The following GFRA3 variants were observed in gnomAD, a reference collection of about 807,000 sequenced individuals.
GFRA3 encodes GDNF family receptor alpha 3, also known as GDNF family receptor alpha-3.
Under a neutral mutation model 40.0 loss-of-function variants are expected in GFRA3, and 24 were observed. The observed-to-expected ratio is 0.60, with a 90% CI of 0.43 to 0.84. The LOEUF (loss-of-function observed/expected upper bound fraction) is 0.84. GFRA3 is among the 40% of genes least tolerant of loss of function. GFRA3 has a pLI of 0.00. For synonymous variants in GFRA3, 203 were observed against 213.5 expected (o/e 0.95, Z 0.43); for missense variants, 405 against 530.6 (o/e 0.76, Z 2.33).
rs1445461762 is a variant in GFRA3, at chr5:138,272,041, T to TG, written c.91+2292dup. 9.3e-4 allele frequency among the ~76,000 whole-genome samples: 138 copies of TG among 148,612 alleles called. 1 individual carries two copies. Among genetic ancestry groups the TG allele is most frequent in the African/African-American group, 3.3e-3 (132 of 39,956 alleles). ...TTTTTTTTGAGACGGAGTCTCGCTCTGTCACCCAGGCTGGAGTGCAGTGGC... is the reference window on the plus strand; with the variant it reads ...TTTTTTTTGAGACGGAGTCTCGCTCTGGTCACCCAGGCTGGAGTGCAGTGGC... On this transcript the variant is annotated intron_variant, in intron 1 of 7. Coordinates refer to ENST00000274721, the MANE Select transcript of GFRA3 (RefSeq NM_001496.4).
At chr5:138,261,659 A>G (rs985985702) in intron 2 of GFRA3, among the ~76,000 whole-genome samples, 13 of 139,280 alleles carry the variant, frequency 9.3e-5, no homozygotes, top group African/African-American at 1.6e-4. Context: ...ACGCCACTGC[A>G]CTCCAGCCAG....
chr5:138,274,238 C>G, intron 1 of GFRA3, 96 bp downstream of exon 1: 1 of 1,293,638 alleles, frequency 7.7e-7, no homozygotes, highest in East Asian at 2.8e-5. Context: ...CACCGGGAGG[C>G]TGCTGCGCCC....
chr5:138,273,606 T>C (rs1755906716), intron 1 of GFRA3, among the ~76,000 whole-genome samples: 1 of 152,150 alleles, frequency 6.6e-6, no homozygotes, highest in African/African-American at 2.4e-5. Flanking sequence ...TGGTGGTCTC[T>C]CTGTCTCAGG....
intron 2 of GFRA3, among the ~76,000 whole-genome samples, chr5:138,260,030 TGAG>T (rs1413727286): frequency 1.3e-5 from 2 of 152,038 alleles, no homozygotes; most frequent in Non-Finnish European, 2.9e-5. Flanking sequence ...GTGATTAGGA[TGAG>T]GAGTAGAAAA....
At chr5:138,256,554 CAA>C (rs370858708) in intron 4 of GFRA3, among the ~76,000 whole-genome samples, 1 of 139,396 alleles carries the variant, frequency 7.2e-6, no homozygotes. Context: ...AAAAAACAAA[CAA>C]AAAAAAAAAC....
chr5:138,252,612 C>T lies in GFRA3; in HGVS notation c.*356G>A, dbSNP rs1755564788. ...TCTAGGCTGCCTCAGAACACCCAGT[C>T]CTCCCTACCCTAACCCTAATCTGGA... is the stretch of plus-strand genomic sequence containing the variant. On this transcript the variant is annotated 3_prime_UTR_variant, in exon 8 of 8. Coordinates refer to ENST00000274721, the MANE Select transcript of GFRA3 (RefSeq NM_001496.4). 1 of 168,486 alleles carries T rather than the reference C, an allele frequency of 5.9e-6. No individual in the cohort carries two copies. Among genetic ancestry groups the T allele is most frequent in the Non-Finnish European group, 1.3e-5 (1 of 78,390 alleles). 10.4% of individuals were successfully genotyped at this position (168,486 alleles called of 1,614,324 possible).
intron 2 of GFRA3, among the ~76,000 whole-genome samples, chr5:138,261,815 G>A (rs534549713): frequency 5.3e-5 from 8 of 151,718 alleles, no homozygotes; most frequent in African/African-American, 1.9e-4. Flanking sequence ...TTACAACTCA[G>A]CCTTGGGGAA....
At chr5:138,270,026 GA>G (rs936380578) in intron 1 of GFRA3, among the ~76,000 whole-genome samples, 1 of 151,762 alleles carries the variant, frequency 6.6e-6, no homozygotes, top group Non-Finnish European at 1.5e-5. Context: ...TCAACGAATG[GA>G]ACAGAAATTG....
chr5:138,265,859 T>C (rs7737090), intron 1 of GFRA3, among the ~76,000 whole-genome samples: 9,390 of 152,014 alleles, frequency 0.062, 459 homozygotes, highest in African/African-American at 0.13. Context: ...CCACATCTGG[T>C]TAATTTTTGT....
At chr5:138,271,911 T>TGTGTGTGGG (rs61407779) in intron 1 of GFRA3, among the ~76,000 whole-genome samples, 2 of 95,230 alleles carry the variant, frequency 2.1e-5, no homozygotes, top group East Asian at 3.0e-4. Context: ...TTTTTTTTTT[T>TGTGTGTGGG]TTTGTGTGTG....
intron 1 of GFRA3, among the ~76,000 whole-genome samples, chr5:138,272,995 G>A (rs767848941): frequency 7.2e-5 from 11 of 152,116 alleles, no homozygotes; most frequent in Non-Finnish European, 1.3e-4. Context: ...CACAACCCAG[G>A]TATCCATTTT....
intron 2 of GFRA3, among the ~76,000 whole-genome samples, chr5:138,260,292 ACT>A (rs1755692195): frequency 6.6e-6 from 1 of 152,088 alleles, no homozygotes. Context: ...TTCTGCTGCT[ACT>A]CTTTCTCCTC....
intron 1 of GFRA3, chr5:138,266,912 C>T (rs1755793331): frequency 6.6e-6 from 1 of 152,190 alleles, no homozygotes; most frequent in East Asian, 1.9e-4. Context: ...GAACTCCTAA[C>T]CTCAAGTGAT....
intron 2 of GFRA3, among the ~76,000 whole-genome samples, chr5:138,262,575 C>T (rs1281896625): frequency 6.6e-6 from 1 of 152,112 alleles, no homozygotes; most frequent in Non-Finnish European, 1.5e-5. Flanking sequence ...ACCTCAGCCT[C>T]CCGAGTAGCT....
chr5:138,263,956 T>A (rs1164720783), intron 2 of GFRA3, among the ~76,000 whole-genome samples: 1 of 152,104 alleles, frequency 6.6e-6, no homozygotes, highest in Non-Finnish European at 1.5e-5. Flanking sequence ...TTTTCTCCCA[T>A]CTCCTGTCCA....
In GFRA3 at chr5:138,257,920, C is replaced by T. The variant is rs1450897120; in HGVS notation, c.504G>A (p.Leu168=). 3 of 1,614,114 alleles carry T rather than the reference C, an allele frequency of 1.9e-6. No homozygotes were observed. The highest frequency in any genetic ancestry group is 2.5e-6 in the Non-Finnish European group (3 of 1,179,994). The stretch of plus-strand genomic sequence containing the variant: ...GGTCACACTTGTCATTGAGAGTACA[C>T]AGCATGGCAAACTTGAGGCAGAGGT... The part of the protein sequence containing the change: ...DSDLCLKFAM[L]CTLNDKCDRL... The change falls in exon 4 of 8, where the codon CTG becomes CTA. Residue 168 remains leucine (L), a synonymous_variant. Coordinates refer to ENST00000274721, the MANE Select transcript of GFRA3 (RefSeq NM_001496.4).
At chr5:138,260,812 G>A (rs1755698773) in intron 2 of GFRA3, among the ~76,000 whole-genome samples, 1 of 151,112 alleles carries the variant, frequency 6.6e-6, no homozygotes, top group African/African-American at 2.4e-5. Flanking sequence ...AATATTCCTT[G>A]AACCTAGGAA....
intron 1 of GFRA3, among the ~76,000 whole-genome samples, chr5:138,274,119 A>G (rs1023647067): frequency 6.6e-6 from 1 of 152,164 alleles, no homozygotes; most frequent in African/African-American, 2.4e-5. Context: ...TGGCCAGGCC[A>G]TTGCTGGCAC....
chr5:138,264,522 G>C lies in GFRA3; in HGVS notation c.118C>G (p.Leu40Val). ...AGDPLPTESRLMNSCLQARRK... is the reference protein window; with the variant it reads ...AGDPLPTESRVMNSCLQARRK... The stretch of plus-strand genomic sequence containing the variant: ...CTGGCCTGGAGACAGCTGTTCATGA[G>C]TCGGCTTTCTGTGGGAAGGGGGTCT... Residue 40 changes from leucine to valine, a missense_variant, in exon 2 of 8, where the codon CTC becomes GTC. Coordinates refer to ENST00000274721, the MANE Select transcript of GFRA3 (RefSeq NM_001496.4). 2 of 1,609,264 alleles carry C rather than the reference G, an allele frequency of 1.2e-6. No homozygotes were observed.
Sources: gnomAD v4.1 joint callset for allele counts (sites outside exome capture counted in the v4.1 genomes callset) on GRCh38, gnomAD v4.1.1 for gene constraint, MANE v1.5 for transcripts, NCBI Gene and HGNC (gene_info 2026-07-23, HGNC 2026-07-21) for gene names.